The following LMAN1 variants were observed in gnomAD, a reference collection of about 807,000 sequenced individuals.
The protein encoded by LMAN1 is lectin, mannose binding 1.
A neutral mutation model predicts 67.8 loss-of-function variants in LMAN1; 32 were observed. That is an observed-to-expected ratio of 0.47 (90% CI 0.36 to 0.63). LMAN1 has a LOEUF of 0.63. Among genes scored for constraint, LMAN1 ranks in the 30% least tolerant of loss-of-function variants. LMAN1 has a pLI of 0.00. For missense variants in LMAN1, 632 were observed against 628.2 expected (o/e 1.01, Z -0.06); for synonymous variants, 235 against 219.3 (o/e 1.07, Z -0.63).
intron 1 of LMAN1, among the ~76,000 whole-genome samples, chr18:59,356,394 T>C (rs913648776): frequency 3.3e-5 from 5 of 152,206 alleles, no homozygotes; most frequent in Non-Finnish European, 7.3e-5. Flanking sequence ...AACAGCCTCA[T>C]AGGTATTTAA....
intron 11 of LMAN1, among the ~76,000 whole-genome samples, 187 bp downstream of exon 11, chr18:59,332,904 C>A (rs1476295190): frequency 2.0e-5 from 3 of 152,120 alleles, no homozygotes; most frequent in African/African-American, 7.2e-5. Context: ...GCTATGGGAA[C>A]TGTTCTTCCA....
chr18:59,331,735 C>T (rs2070748957), intron 11 of LMAN1, 196 bp from the exon 12 acceptor site: 4 of 554,560 alleles, frequency 7.2e-6, no homozygotes, highest in Non-Finnish European at 1.3e-5. Context: ...AAGGCCTCCA[C>T]CTTTTTACTA....
chr18:59,347,447 T>C (rs1452900766), intron 7 of LMAN1, 66 bp downstream of exon 7: 1 of 1,145,980 alleles, frequency 8.7e-7, no homozygotes, highest in Non-Finnish European at 1.3e-6. Flanking sequence ...TAAGTTAGTC[T>C]TCCAAAACGT....
chr18:59,355,590 T>A lies in LMAN1; in HGVS notation c.283A>T (p.Thr95Ser). The A allele has an allele frequency of 6.2e-7, 1 of 1,614,142 alleles. No individual in the cohort carries two copies. Among genetic ancestry groups the A allele is most frequent in the South Asian group, 1.1e-5 (1 of 91,074 alleles). ...TTCTCAAAGGCCGCTTTTGTCTTTG[T>A]CCACACTGAGCCTCTTTGGCTTTTT... ...SLKSQRGSVW[T>S]KTKAAFENWE... is the part of the protein sequence containing the mutation. The change falls in exon 2 of 13, where the codon ACA (threonine) becomes TCA (serine). Residue 95 changes from threonine (T) to serine (S), a missense_variant. Coordinates refer to ENST00000251047, the MANE Select transcript of LMAN1 (RefSeq NM_005570.4).
At chr18:59,345,074 C>G (rs1383314177) in intron 8 of LMAN1, among the ~76,000 whole-genome samples, 1 of 152,172 alleles carries the variant, frequency 6.6e-6, no homozygotes, top group Non-Finnish European at 1.5e-5. Context: ...TCAGGATATA[C>G]TCACAAATTT....
intron 10 of LMAN1, among the ~76,000 whole-genome samples, chr18:59,334,165 G>A (rs1247635642): frequency 6.6e-6 from 1 of 152,102 alleles, no homozygotes; most frequent in Non-Finnish European, 1.5e-5. Flanking sequence ...TCACATATTT[G>A]TATTTAAGAA....
chr18:59,357,013 A>G (rs953010646), intron 1 of LMAN1, among the ~76,000 whole-genome samples: 12 of 152,166 alleles, frequency 7.9e-5, no homozygotes, highest in Non-Finnish European at 1.3e-4. Flanking sequence ...TTTAAACTAG[A>G]TCTTAAATTT....
intron 1 of LMAN1, 103 bp from the exon 2 acceptor site, chr18:59,355,761 T>C (rs1908648174): frequency 4.6e-6 from 6 of 1,307,784 alleles, no homozygotes; most frequent in Non-Finnish European, 6.5e-6. Context: ...TAGTAACCTG[T>C]ACAATAATGA....
At chr18:59,356,858 G>C (rs1159029020) in intron 1 of LMAN1, among the ~76,000 whole-genome samples, 4 of 152,176 alleles carry the variant, frequency 2.6e-5, no homozygotes, top group Non-Finnish European at 5.9e-5. Flanking sequence ...GAGAATGAAA[G>C]TGAAAGAACT....
rs777835065 is a variant in LMAN1, at chr18:59,338,848, A to G, written c.1061T>C (p.Met354Thr). 9.3e-6 allele frequency: 15 copies of G among 1,613,830 alleles called. No individual in the cohort carries two copies. The South Asian group carries it at 1.3e-4, about 14-fold the overall frequency. Reference protein sequence around the residue: ...EIKQLNRQLDMILDEQRRYVS... With the variant: ...EIKQLNRQLDTILDEQRRYVS... ...ATATCTTCTCTGTTCATCAAGAATC[A>G]TATCTAACTGCCGGTTCAGCTGCTT... The change falls in exon 9 of 13, where the codon ATG becomes ACG. Residue 354 changes from methionine to threonine, a missense_variant. Met to Thr is a moderately conservative substitution (Grantham distance 81). Transcript: ENST00000251047.
rs548940835 is a variant in LMAN1, at chr18:59,344,960, G to A, written c.955+959C>T. ...TTAAGGAGGCATGAGGGAACTTTCT[G>A]GGATGATAAAAATGTTCCGTGTACT... On this transcript the variant is annotated intron_variant, in intron 8 of 12. Transcript: ENST00000251047. 2.6e-4 allele frequency among the ~76,000 whole-genome samples: 40 copies of A among 152,260 alleles called. No homozygotes were observed. In the South Asian group the frequency reaches 6.4e-3, roughly 24 times the overall value.
Position 59,330,709 on chromosome 18 carries a change from T to C in LMAN1, c.*384A>G, listed in dbSNP as rs551670872. 5 of 175,992 alleles carry C rather than the reference T, an allele frequency of 2.8e-5. No individual in the cohort carries two copies. Among genetic ancestry groups the C allele is most frequent in the Non-Finnish European group, 6.0e-5 (5 of 83,362 alleles). The allele number at this position is 175,992 out of a possible 1,614,324, so 10.9% of individuals were successfully genotyped here. On this transcript the variant is annotated 3_prime_UTR_variant, in exon 13 of 13. Transcript: ENST00000251047. ...AATAAACCTGATGGGACTTCTTAAT[T>C]AGACCTCATATTCTGGGAGGCATGA...
chr18:59,345,776 G>T, intron 8 of LMAN1, 143 bp downstream of exon 8: 1 of 923,996 alleles, frequency 1.1e-6, no homozygotes, highest in Non-Finnish European at 1.7e-6. Context: ...CTAAAGATTT[G>T]CTCCTAAATT....
Position 59,354,545 on chromosome 18 carries a change from A to G in LMAN1, c.513T>C (p.Asn171=), listed in dbSNP as rs1237965844. The G allele has an allele frequency of 5.3e-6, 8 of 1,514,392 alleles. No individual in the cohort carries two copies. The highest frequency in any genetic ancestry group is 7.3e-6 in the Non-Finnish European group (8 of 1,090,016). The allele number at this position is 1,514,392 out of a possible 1,614,324, so 93.8% of individuals were successfully genotyped here. A position where few individuals can be genotyped will look rare whatever the true frequency, so the allele number is the denominator to read the frequency against. ...NNPAIVIIGN[N]GQIHYDHQND... ...TTTGATGGTCATAATGGATTTGTCCATTGTTGCCTATAATTACTATAGCAG... is the reference window on the plus strand; with the variant it reads ...TTTGATGGTCATAATGGATTTGTCCGTTGTTGCCTATAATTACTATAGCAG... Residue 171 remains asparagine (N), a synonymous_variant, in exon 4 of 13, where the codon AAT becomes AAC. Coordinates refer to ENST00000251047, the MANE Select transcript of LMAN1 (RefSeq NM_005570.4).
At position 59,330,086 on chromosome 18, in the gene LMAN1, A is replaced by T. The variant is rs2070738274; in HGVS notation, c.*1007T>A. On this transcript the variant is annotated 3_prime_UTR_variant, in exon 13 of 13. Coordinates refer to ENST00000251047, the MANE Select transcript of LMAN1 (RefSeq NM_005570.4). The stretch of plus-strand genomic sequence containing the variant: ...AATTAGAAGTATTCACTGTTTTTCA[A>T]ATTTTGCCTTCAAGAATCTTAAAAC... 6.6e-6 allele frequency: 1 copy of T among 152,576 alleles called. No individual in the cohort carries two copies. The allele number at this position is 152,576 out of a possible 1,614,324, so 9.5% of individuals were successfully genotyped here.
chr18:59,331,381 A>G, intron 12 of LMAN1, 37 bp downstream of exon 12: 1 of 1,572,408 alleles, frequency 6.4e-7, no homozygotes, highest in African/African-American at 1.4e-5. Flanking sequence ...AAACAGATGC[A>G]GAAAAATATT....
chr18:59,344,887 T>C (rs2144221377), intron 8 of LMAN1, among the ~76,000 whole-genome samples: 1 of 152,318 alleles, frequency 6.6e-6, no homozygotes, highest in South Asian at 2.1e-4. Context: ...TAATCTACAG[T>C]GATAACAATA....
intron 5 of LMAN1, chr18:59,351,380 CTT>C (rs1353664295): frequency 1.3e-5 from 2 of 152,100 alleles, no homozygotes; most frequent in African/African-American, 4.8e-5. Context: ...CTAAGTATGA[CTT>C]TAACAAGTAG....
rs142321880 is a variant in LMAN1 at position 59,359,132 on chromosome 18, G to A, written c.113C>T (p.Ala38Val). 8.7e-4 allele frequency: 1,410 copies of A among 1,614,116 alleles called. No homozygotes were observed. Among genetic ancestry groups the A allele is most frequent in the Admixed American group, 2.2e-3 (130 of 60,032 alleles). Residue 38 changes from alanine to valine, a missense_variant, in exon 1 of 13, where the codon GCG becomes GTG. Physicochemically the swap from Ala to Val is moderately conservative, Grantham distance 64. Coordinates refer to ENST00000251047, the MANE Select transcript of LMAN1 (RefSeq NM_005570.4). ...GAAACGGCGATGTGGCAACGCGACC[G>A]CGGGGTCTCCTCCCACGCCGTCGCC... Reference protein sequence around the residue: ...VRGDGVGGDPAVALPHRRFEY... With the variant: ...VRGDGVGGDPVVALPHRRFEY...
Sources: gnomAD v4.1 joint callset for allele counts (sites outside exome capture counted in the v4.1 genomes callset) on GRCh38, gnomAD v4.1.1 for gene constraint, MANE v1.5 for transcripts, NCBI Gene and HGNC (gene_info 2026-07-23, HGNC 2026-07-21) for gene names.